KCNK9: variants seen among roughly 807,000 people sequenced by gnomAD.
The protein encoded by KCNK9 is potassium two pore domain channel subfamily K member 9.
Under a neutral mutation model 10.8 loss-of-function variants are expected in KCNK9, and 1 was observed. The ratio of observed to expected loss-of-function variants is 0.09; its 90% confidence interval spans 0.03 to 0.44. The LOEUF (loss-of-function observed/expected upper bound fraction) is 0.44, where lower values mean the gene tolerates loss of function less well. KCNK9 is among the 20% of genes least tolerant of loss of function. The probability of loss-of-function intolerance (pLI) is 0.97; values close to 1 mark genes in which losing one functional copy is unlikely to be tolerated. For missense variants in KCNK9, 303 were observed against 515.0 expected, an observed-to-expected ratio of 0.59 and a Z score of 3.98; for synonymous variants, 231 against 222.7, an observed-to-expected ratio of 1.04 and a Z score of -0.33.
At chr8:139,611,405 G>A (rs41272395), downstream of KCNK9, 7,173 of 152,340 alleles carry the variant, frequency 0.047, 473 homozygotes, top group East Asian at 0.29. Context: ...ACACCCCCAC[G>A]CCGCTCTCTG....
intron 1 of KCNK9, among the ~76,000 whole-genome samples, chr8:139,643,777 C>A (rs1237697937): frequency 6.6e-6 from 1 of 152,260 alleles, no homozygotes; most frequent in Non-Finnish European, 1.5e-5. Flanking sequence ...CCCAGGACCC[C>A]TGGCCAAAGC....
intron 1 of KCNK9, among the ~76,000 whole-genome samples, chr8:139,648,981 T>A (rs984625553): frequency 2.3e-4 from 35 of 152,300 alleles, no homozygotes; most frequent in African/African-American, 8.2e-4. Flanking sequence ...ATTACTTCTG[T>A]TGATTTTCAT....
chr8:139,648,898 AG>A (rs1165527894), intron 1 of KCNK9, among the ~76,000 whole-genome samples: 3 of 152,234 alleles, frequency 2.0e-5, no homozygotes, highest in African/African-American at 7.2e-5. Flanking sequence ...TTTAACCTGC[AG>A]CTTACATTTT....
At chr8:139,609,003 CGTAT>C (rs372979317), downstream of KCNK9, among the ~76,000 whole-genome samples, 272 of 151,548 alleles carry the variant, frequency 1.8e-3, 1 homozygote, top group East Asian at 0.022. Flanking sequence ...CCCACCCCCG[CGTAT>C]GTATTTGATT....
chr8:139,622,506 C>T (rs570062251), intron 1 of KCNK9, among the ~76,000 whole-genome samples: 7 of 152,258 alleles, frequency 4.6e-5, no homozygotes, highest in African/African-American at 7.2e-5. Flanking sequence ...GGCAACTAGC[C>T]GCATCTGTCA....
rs1288706450 is a variant in KCNK9 at position 139,647,862 on chromosome 8, T to TGTG, written c.284-28766_284-28764dup. Among the ~76,000 whole-genome samples the TGTG allele has an allele frequency of 2.6e-5, 4 of 152,314 alleles. No homozygotes were observed. The South Asian group carries it at 8.3e-4, about 32-fold the overall frequency. ...CCAGGACTGAAAATGGCGCAGCTGC[T>TGTG]GTGGAAGGTCATGTGGTGGTTTCCC... On this transcript the variant is annotated intron_variant, in intron 1 of 1. Transcript: ENST00000520439.
At chr8:139,619,494 G>A (rs1814713160) in intron 1 of KCNK9, among the ~76,000 whole-genome samples, 1 of 152,158 alleles carries the variant, frequency 6.6e-6, no homozygotes, top group South Asian at 2.1e-4. Flanking sequence ...TCACTACTAA[G>A]AGAACTCCAA....
At chr8:139,680,130 C>T (rs13274282) in intron 1 of KCNK9, among the ~76,000 whole-genome samples, 86,388 of 152,026 alleles carry the variant, frequency 0.57, 24,675 homozygotes, top group Admixed American at 0.6. Context: ...CAGCAAGGGC[C>T]GGCAGCGTCC....
chr8:139,694,153 G>A (rs544444371), intron 1 of KCNK9, among the ~76,000 whole-genome samples: 81 of 152,210 alleles, frequency 5.3e-4, no homozygotes, highest in African/African-American at 1.9e-3. Context: ...TCAGGGGTTC[G>A]GCGGCAGCAG....
intron 1 of KCNK9, among the ~76,000 whole-genome samples, chr8:139,665,990 A>G (rs1586676168): frequency 6.6e-6 from 1 of 152,204 alleles, no homozygotes; most frequent in East Asian, 1.9e-4. Flanking sequence ...TCTGTCACAC[A>G]GCACCTGGGA....
At chr8:139,636,171 A>G (rs921361453) in intron 1 of KCNK9, among the ~76,000 whole-genome samples, 8 of 152,222 alleles carry the variant, frequency 5.3e-5, no homozygotes, top group African/African-American at 1.4e-4. Context: ...CCCAGCACCA[A>G]TGATATTCTT....
At chr8:139,662,666 G>A (rs531238389) in intron 1 of KCNK9, among the ~76,000 whole-genome samples, 116 of 152,154 alleles carry the variant, frequency 7.6e-4, no homozygotes, top group African/African-American at 2.5e-3. Flanking sequence ...CTGGCCTTGA[G>A]GGAGGGTCTA....
chr8:139,672,290 G>A (rs1816447244), intron 1 of KCNK9, among the ~76,000 whole-genome samples: 3 of 152,166 alleles, frequency 2.0e-5, no homozygotes, highest in South Asian at 2.1e-4. Context: ...CTGGCACAAC[G>A]ATTCCTTCCT....
At chr8:139,683,157 G>A (rs1816725274) in intron 1 of KCNK9, among the ~76,000 whole-genome samples, 1 of 152,168 alleles carries the variant, frequency 6.6e-6, no homozygotes, top group Non-Finnish European at 1.5e-5. Flanking sequence ...TGTACGGGAA[G>A]ATTCTGGTCC....
At chr8:139,633,719 A>G (rs1306445103) in intron 1 of KCNK9, among the ~76,000 whole-genome samples, 3 of 152,214 alleles carry the variant, frequency 2.0e-5, no homozygotes, top group Admixed American at 6.5e-5. Flanking sequence ...GAGGCTCACC[A>G]GCTCAGCCCA....
At chr8:139,662,716 A>G (rs1563740989) in intron 1 of KCNK9, among the ~76,000 whole-genome samples, 1 of 151,946 alleles carries the variant, frequency 6.6e-6, no homozygotes, top group Admixed American at 6.6e-5. Context: ...ACCCAACTCC[A>G]TATTTCATGA....
chr8:139,660,715 C>T (rs1266388391), intron 1 of KCNK9, among the ~76,000 whole-genome samples: 6 of 152,126 alleles, frequency 3.9e-5, no homozygotes, highest in African/African-American at 1.2e-4. Flanking sequence ...AACAATAATG[C>T]ATACTGGCTG....
chr8:139,663,824 T>C (rs1816230486), intron 1 of KCNK9, among the ~76,000 whole-genome samples: 1 of 152,088 alleles, frequency 6.6e-6, no homozygotes. Context: ...GAGACAACAT[T>C]AGCAAACGAT....
chr8:139,644,290 A>T (rs891075195), intron 1 of KCNK9, among the ~76,000 whole-genome samples: 5 of 152,192 alleles, frequency 3.3e-5, no homozygotes, highest in African/African-American at 1.2e-4. Context: ...GCAGCCATGG[A>T]TATTCAACCA....
Sources: gnomAD v4.1 joint callset for allele counts (sites outside exome capture counted in the v4.1 genomes callset) on GRCh38, gnomAD v4.1.1 for gene constraint, MANE v1.5 for transcripts, NCBI Gene and HGNC (gene_info 2026-07-23, HGNC 2026-07-21) for gene names.